The following SERPINB9 variants were observed in gnomAD, a reference collection of about 807,000 sequenced individuals.
The protein encoded by SERPINB9 is serpin B9.
A neutral mutation model predicts 27.2 loss-of-function variants in SERPINB9; 20 were observed. The observed-to-expected ratio is 0.74, with a 90% CI of 0.52 to 1.07. The LOEUF is 1.07. SERPINB9 is among the 50% of genes least tolerant of loss of function. The probability of loss-of-function intolerance (pLI) is 0.00; values close to 1 mark genes in which losing one functional copy is unlikely to be tolerated. For synonymous variants in SERPINB9, 189 were observed against 180.0 expected (o/e 1.05, Z -0.40); for missense variants, 476 against 460.1 (o/e 1.03, Z -0.32).
chr6:2,893,509 T>C lies in SERPINB9; in HGVS notation c.469A>G (p.Thr157Ala), dbSNP rs772505781. The C allele has an allele frequency of 3.1e-6, 5 of 1,612,904 alleles. No homozygotes were observed. Among genetic ancestry groups the C allele is most frequent in the Non-Finnish European group, 4.2e-6 (5 of 1,179,346 alleles). Residue 157 changes from threonine to alanine, a missense_variant, in exon 5 of 7, where the codon ACC becomes GCC. By Grantham distance (58) the Thr-to-Ala change is moderately conservative. Transcript: ENST00000380698. ...LLPGSSIDAE[T>A]RLVLVNAIYF... ...ATGGCATTGACAAGAACCAGCCTGGTTTCTGCATCAATTGAGCTACCCGGC... is the reference window on the plus strand; with the variant it reads ...ATGGCATTGACAAGAACCAGCCTGGCTTCTGCATCAATTGAGCTACCCGGC...
rs1767798886 is a variant in SERPINB9 at position 2,891,526 on chromosome 6, C to T, written c.723+307G>A. Among the ~76,000 whole-genome samples the T allele has an allele frequency of 6.6e-6, 1 of 152,156 alleles. No homozygotes were observed. The highest frequency in any genetic ancestry group is 2.1e-4 in the South Asian group (1 of 4,836). On this transcript the variant is annotated intron_variant, in intron 6 of 6. Transcript: ENST00000380698. This position sits in a 1 kb window ranked among gnomAD's most constrained non-coding sequence, Gnocchi z 4.0. ...TATGCTTTTAGAGTTAAAAGTCTGC[C>T]ATTCATCAAACTAGCAGGATTTTTA... is the stretch of plus-strand genomic sequence containing the variant.
At chr6:2,902,518 G>A (rs1220730528) in intron 1 of SERPINB9, among the ~76,000 whole-genome samples, 1 of 152,100 alleles carries the variant, frequency 6.6e-6, no homozygotes, top group Non-Finnish European at 1.5e-5. Context: ...GTTTTTTTGT[G>A]TTTTTCTTTT....
chr6:2,900,524 A>C lies in SERPINB9; in HGVS notation c.88T>G (p.Cys30Gly). The part of the protein sequence containing the change: ...CQDNPSHNVF[C>G]SPVSISSALA... ...GCAGAGGAGATGCTCACAGGAGAACAGAACACGTTGTGCGAAGGGTTATCT... is the reference window on the plus strand; with the variant it reads ...GCAGAGGAGATGCTCACAGGAGAACCGAACACGTTGTGCGAAGGGTTATCT... Residue 30 changes from cysteine to glycine, a missense_variant, in exon 2 of 7, where the codon TGT becomes GGT. Cys to Gly is a radical substitution (Grantham distance 159). Coordinates refer to ENST00000380698, the MANE Select transcript of SERPINB9 (RefSeq NM_004155.6). 6.2e-7 allele frequency: 1 copy of C among 1,614,214 alleles called. No individual in the cohort carries two copies. The highest frequency in any genetic ancestry group is 8.5e-7 in the Non-Finnish European group (1 of 1,180,048).
chr6:2,902,341 G>A (rs1277307889), intron 1 of SERPINB9, among the ~76,000 whole-genome samples: 1 of 151,924 alleles, frequency 6.6e-6, no homozygotes, highest in Non-Finnish European at 1.5e-5. Context: ...TCTTGCTGGT[G>A]GTCCCCACAG....
chr6:2,899,862 T>G (rs1305898923), intron 2 of SERPINB9: 1 of 448,842 alleles, frequency 2.2e-6, no homozygotes. Flanking sequence ...GTATGTCTCC[T>G]CTCCTTTCCA....
At position 2,887,362 on chromosome 6, in the gene SERPINB9, GATA is replaced by G. The variant is rs1396476528; in HGVS notation, c.*2798_*2800del. On this transcript the variant is annotated 3_prime_UTR_variant, in exon 7 of 7. Transcript: ENST00000380698. ...AATGAGAGAAAATATAAAACAGAGG[GATA>G]ATATCTTTAATAGGCAAAGACATAT... The G allele has an allele frequency of 2.6e-5, 4 of 152,102 alleles. No individual in the cohort carries two copies. Among genetic ancestry groups the G allele is most frequent in the East Asian group, 1.9e-4 (1 of 5,192 alleles). 9.4% of individuals were successfully genotyped at this position (152,102 alleles called of 1,614,324 possible). A position where few individuals can be genotyped will look rare whatever the true frequency, so the allele number is the denominator to read the frequency against.
rs1231035120 is a variant in SERPINB9, at chr6:2,894,537, A to T, written c.424+854T>A. Among the ~76,000 whole-genome samples the T allele has an allele frequency of 2.0e-5, 3 of 152,178 alleles. No individual in the cohort carries two copies. Among genetic ancestry groups the T allele is most frequent in the Admixed American group, 1.3e-4 (2 of 15,288 alleles). On this transcript the variant is annotated intron_variant, in intron 4 of 6. Coordinates refer to ENST00000380698, the MANE Select transcript of SERPINB9 (RefSeq NM_004155.6). This position sits in a 1 kb window ranked among gnomAD's most constrained non-coding sequence, Gnocchi z 4.7. ...AGGAGCTTAAGTGGAAGACATGAAA[A>T]GTCAGGAGTGACCTTAGCAGGTAAA...
In SERPINB9 at chr6:2,891,881, C is replaced by G. The variant is rs1480152261; in HGVS notation, c.675G>C (p.Glu225Asp). 1 of 1,612,042 alleles carries G rather than the reference C, an allele frequency of 6.2e-7. No individual in the cohort carries two copies. The change falls in exon 6 of 7, where the codon GAG (glutamate) becomes GAC (aspartate). Residue 225 changes from glutamate to aspartate, a missense_variant. Coordinates refer to ENST00000380698, the MANE Select transcript of SERPINB9 (RefSeq NM_004155.6). The surrounding 1 kb of genome is among the most constrained non-coding windows in gnomAD (Gnocchi z 4.0). ...QLLELPYARK[E>D]LSLLVLLPDD... is the part of the protein sequence containing the mutation. ...CAGGCAGCAGCACCAGCAGGCTCAGCTCCTTCCTGGCGTAGGGCAGCTCCA... is the reference window on the plus strand; with the variant it reads ...CAGGCAGCAGCACCAGCAGGCTCAGGTCCTTCCTGGCGTAGGGCAGCTCCA...
intron 4 of SERPINB9, among the ~76,000 whole-genome samples, chr6:2,893,835 G>T (rs1767907351): frequency 6.6e-6 from 1 of 152,142 alleles, no homozygotes. Flanking sequence ...AACAAGACCA[G>T]CAGGAAATGT....
At chr6:2,898,393 T>C (rs1353093261) in intron 2 of SERPINB9, among the ~76,000 whole-genome samples, 5 of 152,232 alleles carry the variant, frequency 3.3e-5, no homozygotes, top group Non-Finnish European at 7.3e-5. Flanking sequence ...CCACTATTAC[T>C]ATTCATAGCC....
chr6:2,900,466 T>A lies in SERPINB9; in HGVS notation c.146A>T (p.Asn49Ile). 6.2e-7 allele frequency: 1 copy of A among 1,614,122 alleles called. No individual in the cohort carries two copies. The highest frequency in any genetic ancestry group is 8.5e-7 in the Non-Finnish European group (1 of 1,180,020). The change falls in exon 2 of 7, where the codon AAC (asparagine) becomes ATC (isoleucine). Residue 49 changes from asparagine to isoleucine, a missense_variant. Physicochemically the swap from Asn to Ile is moderately radical, Grantham distance 149 (BLOSUM62 -3). Coordinates refer to ENST00000380698, the MANE Select transcript of SERPINB9 (RefSeq NM_004155.6). ...TACCTGGGCCATCTGGGTTGCGGTGTTTCCCTTTGCCCCTAGGAGAACCAT... is the reference window on the plus strand; with the variant it reads ...TACCTGGGCCATCTGGGTTGCGGTGATTCCCTTTGCCCCTAGGAGAACCAT... The part of the protein sequence containing the change: ...LAMVLLGAKG[N>I]TATQMAQALS...
At position 2,893,257 on chromosome 6, in the gene SERPINB9, G is replaced by GT. The variant is rs907586567; in HGVS notation, c.567+153dup. ...GCAGCAAATATCTTTTACTCCTTCC[G>GT]TTTTTTTCTACTGAGTTAAGAAATT... On this transcript the variant is annotated intron_variant, in intron 5 of 6. Transcript: ENST00000380698. 1.9e-4 allele frequency among the ~76,000 whole-genome samples: 10 copies of GT among 52,580 alleles called. No individual in the cohort carries two copies. The East Asian group carries it at 3.8e-3, about 20-fold the overall frequency. 34.5% of individuals were successfully genotyped at this position (52,580 alleles called of 152,430 possible).
rs754073509 is a variant in SERPINB9, at chr6:2,899,810, G to A, written c.168+634C>T. On this transcript the variant is annotated intron_variant, in intron 2 of 6. Coordinates refer to ENST00000380698, the MANE Select transcript of SERPINB9 (RefSeq NM_004155.6). ...CTCCCATGATGAAGGCGTGTCCAGC[G>A]GCCTGCACTCAGGGATGGCGCTTTT... 9.5e-4 allele frequency: 366 copies of A among 385,106 alleles called. 5 individuals are homozygous for A. Among genetic ancestry groups the A allele is most frequent in the Non-Finnish European group, 2.6e-4 (50 of 195,172 alleles). 23.9% of individuals were successfully genotyped at this position (385,106 alleles called of 1,614,324 possible).
At chr6:2,900,885 T>TCTCTCTCACACACACACACACACACACA (rs61100591) in intron 1 of SERPINB9, among the ~76,000 whole-genome samples, 41 of 141,482 alleles carry the variant, frequency 2.9e-4, no homozygotes, top group African/African-American at 8.1e-4. Context: ...GCTCGCTCTC[T>TCTCTCTCACACACACACACACACACACA]CACACACACA....
At chr6:2,898,880 T>C (rs1165667704) in intron 2 of SERPINB9, among the ~76,000 whole-genome samples, 1 of 152,192 alleles carries the variant, frequency 6.6e-6, no homozygotes, top group East Asian at 1.9e-4. Context: ...TTGTCTCTGT[T>C]TGATGGATTC....
chr6:2,892,484 T>C (rs1286715260), intron 5 of SERPINB9, among the ~76,000 whole-genome samples: 1 of 152,132 alleles, frequency 6.6e-6, no homozygotes, highest in African/African-American at 2.4e-5. Context: ...GACCTACATA[T>C]GTAGTAATGT....
chr6:2,890,355 C>A lies in SERPINB9; in HGVS notation c.939G>T (p.Lys313Asn). 6.2e-7 allele frequency: 1 copy of A among 1,614,224 alleles called. No individual in the cohort carries two copies. The highest frequency in any genetic ancestry group is 1.7e-5 in the Admixed American group (1 of 60,036). The change falls in exon 7 of 7, where the codon AAG becomes AAT. Residue 313 changes from lysine (K) to asparagine (N), a missense_variant. By Grantham distance (94) the Lys-to-Asn change is moderately conservative. Transcript: ENST00000380698. The surrounding 1 kb of genome is among the most constrained non-coding windows in gnomAD (Gnocchi z 6.2). ...MSAERDLCLSKFVHKSFVEVN... is the reference protein window; with the variant it reads ...MSAERDLCLSNFVHKSFVEVN... ...CCTCCACAAAACTCTTGTGCACGAA[C>A]TTGGACAGACACAGGTCTCTCTCCG...
chr6:2,896,230 C>G (rs755996016), intron 2 of SERPINB9, 40 bp from the exon 3 acceptor site: 1 of 1,597,064 alleles, frequency 6.3e-7, no homozygotes, highest in Admixed American at 1.7e-5. Context: ...CAAGATAGCT[C>G]TTTGATGGCT....
At position 2,896,228 on chromosome 6, in the gene SERPINB9, C is replaced by T. The variant is rs1171084385; in HGVS notation, c.169-38G>A. 1.9e-6 allele frequency: 3 copies of T among 1,599,508 alleles called. 1 individual carries two copies. Among genetic ancestry groups the T allele is most frequent in the East Asian group, 2.2e-5 (1 of 44,656 alleles). Reference sequence around the variant, plus strand: ...ATAATTTTAAAAGTTATCAAGATAGCTCTTTGATGGCTGGGGAGAGGAGAG... The same window carrying T: ...ATAATTTTAAAAGTTATCAAGATAGTTCTTTGATGGCTGGGGAGAGGAGAG... On this transcript the variant is annotated intron_variant, in intron 2 of 6. Transcript: ENST00000380698.
Sources: gnomAD v4.1 joint callset for allele counts (sites outside exome capture counted in the v4.1 genomes callset) on GRCh38, gnomAD v4.1.1 for gene constraint, Gnocchi (gnomAD v3.1) non-coding constraint, MANE v1.5 for transcripts, NCBI Gene and HGNC (gene_info 2026-07-23, HGNC 2026-07-21) for gene names.